The following NR2F2 variants were observed in gnomAD, a reference collection of about 807,000 sequenced individuals.
The protein encoded by NR2F2 is COUP transcription factor 2.
In NR2F2, 2 loss-of-function variants were observed where a neutral mutation model predicts 34.8. The ratio of observed to expected loss-of-function variants is 0.06; its 90% CI spans 0.02 to 0.18. NR2F2 has a LOEUF of 0.18. NR2F2 is among the 10% of genes least tolerant of loss of function. The pLI is 1.00. For missense variants in NR2F2, 300 were observed against 580.1 expected (o/e 0.52, Z 4.96); for synonymous variants, 274 against 251.8 (o/e 1.09, Z -0.84).
chr15:96,332,575 C>T (rs757391827), intron 1 of NR2F2, 28 bp downstream of exon 1: 6 of 1,598,892 alleles, frequency 3.8e-6, no homozygotes, highest in South Asian at 3.3e-5. Context: ...CTCCTTCCCT[C>T]GTCCTGGGTC....
At position 96,334,492 on chromosome 15, in the gene NR2F2, G is replaced by A; in HGVS notation, c.859G>A (p.Ala287Thr). ...ASPMSADRVV[A>T]FMDHIRIFQE... ...GCCCATGTCCGCCGACCGGGTGGTC[G>A]CCTTTATGGACCACATACGGATCTT... The change falls in exon 2 of 3, where the codon GCC becomes ACC. Residue 287 changes from alanine to threonine, a missense_variant. By Grantham distance (58) the Ala-to-Thr change is moderately conservative. Coordinates refer to ENST00000394166, the MANE Select transcript of NR2F2 (RefSeq NM_021005.4). 6.2e-7 allele frequency: 1 copy of A among 1,613,880 alleles called. No homozygotes were observed. Among genetic ancestry groups the A allele is most frequent in the Non-Finnish European group, 8.5e-7 (1 of 1,179,990 alleles).
Position 96,331,287 on chromosome 15 carries a change from C to T in NR2F2, c.-819C>T. 3 of 1,045,058 alleles carry T rather than the reference C, an allele frequency of 2.9e-6. No individual in the cohort carries two copies. The highest frequency in any genetic ancestry group is 4.4e-5 in the South Asian group (1 of 22,654). The allele number at this position is 1,045,058 out of a possible 1,614,324, so 64.7% of individuals were successfully genotyped here. A position where few individuals can be genotyped will look rare whatever the true frequency, so the allele number is the denominator to read the frequency against. ...CGCGCCGGACGCCCGGGGCAGGCGG[C>T]GGCGGCGGCGGCCCAGCGCCAGGAC... On this transcript the variant is annotated 5_prime_UTR_variant, in exon 1 of 3. Transcript: ENST00000394166.
At chr15:96,334,739 A>G (rs549942955) in intron 2 of NR2F2, 136 bp downstream of exon 2, 141 of 918,380 alleles carry the variant, frequency 1.5e-4, no homozygotes, top group African/African-American at 1.4e-3. Context: ...TAAAGTGGGA[A>G]CTTTTTATAG....
chr15:96,328,704 TG>T (rs1439764858), upstream of NR2F2, among the ~76,000 whole-genome samples: 7 of 152,106 alleles, frequency 4.6e-5, no homozygotes, highest in African/African-American at 1.7e-4. Context: ...CTTCATTCTG[TG>T]GCAATCTTAT....
Position 96,332,297 on chromosome 15 carries a change from CGGCCCGGGT to C in NR2F2, c.193_201del (p.Gly65_Gly67del). 3 of 1,571,190 alleles carry C rather than the reference CGGCCCGGGT, an allele frequency of 1.9e-6. No individual in the cohort carries two copies. The highest frequency in any genetic ancestry group is 1.4e-5 in the African/African-American group (1 of 73,874). ...CGGCCGGTGGCCAGGGCGGCCCTGG[CGGCCCGGGT>C]AGCGACAAGCAGCAGCAGCAGCAAC... On this transcript the variant is annotated inframe_deletion, in exon 1 of 3. Transcript: ENST00000394166.
chr15:96,331,846 G>A lies in NR2F2; in HGVS notation c.-260G>A, dbSNP rs1899154531. 2 of 1,202,994 alleles carry A rather than the reference G, an allele frequency of 1.7e-6. No individual in the cohort carries two copies. The highest frequency in any genetic ancestry group is 8.6e-5 in the South Asian group (2 of 23,274). The allele number at this position is 1,202,994 out of a possible 1,614,324, so 74.5% of individuals were successfully genotyped here. ...AGCCCCCCGAAACCAACAAAGCTGA[G>A]CCGAGAGAAACAAACAAAACAAACA... is the stretch of plus-strand genomic sequence containing the variant. On this transcript the variant is annotated 5_prime_UTR_variant, in exon 1 of 3. Coordinates refer to ENST00000394166, the MANE Select transcript of NR2F2 (RefSeq NM_021005.4).
chr15:96,330,426 G>A (rs1276732529), upstream of NR2F2, among the ~76,000 whole-genome samples: 2 of 146,958 alleles, frequency 1.4e-5, no homozygotes, highest in Non-Finnish European at 3.0e-5. Context: ...CGGCGGCGCG[G>A]CCACCCCGTC....
chr15:96,339,384 A>T lies in NR2F2; in HGVS notation c.*1762A>T, dbSNP rs957166136. 1 of 152,124 alleles carries T rather than the reference A, an allele frequency of 6.6e-6. No individual in the cohort carries two copies. Among genetic ancestry groups the T allele is most frequent in the African/African-American group, 2.4e-5 (1 of 41,392 alleles). 9.4% of individuals were successfully genotyped at this position (152,124 alleles called of 1,614,324 possible). ...TGTTGAGAGAGTTTCAAATTCAGTG[A>T]TACAGGTTCTAAGACTGAAAGGTCT... On this transcript the variant is annotated 3_prime_UTR_variant, in exon 3 of 3. Coordinates refer to ENST00000394166, the MANE Select transcript of NR2F2 (RefSeq NM_021005.4).
At chr15:96,329,130 G>GT (rs1372730692), upstream of NR2F2, among the ~76,000 whole-genome samples, 1 of 151,718 alleles carries the variant, frequency 6.6e-6, no homozygotes, top group Non-Finnish European at 1.5e-5. Flanking sequence ...CGTCTTTTGT[G>GT]TAAAATATTT....
intron 1 of NR2F2, among the ~76,000 whole-genome samples, chr15:96,332,811 T>C (rs1165558944): frequency 1.3e-5 from 2 of 152,098 alleles, no homozygotes; most frequent in African/African-American, 4.8e-5. Context: ...GGAGTCTGCC[T>C]TTCTGCAAGG....
At chr15:96,326,426 G>A, upstream of NR2F2, 1 of 1,280,876 alleles carries the variant, frequency 7.8e-7, no homozygotes, top group Non-Finnish European at 1.1e-6. The surrounding 1 kb of genome is among the most constrained non-coding windows in gnomAD (Gnocchi z 5.5). Flanking sequence ...GTGGGGTTGG[G>A]GATGACTTGG....
intron 2 of NR2F2, among the ~76,000 whole-genome samples, chr15:96,336,100 C>T (rs986654530): frequency 3.9e-5 from 6 of 152,072 alleles, no homozygotes; most frequent in East Asian, 3.8e-4. Flanking sequence ...TGGAGGTAGT[C>T]GTTAATTTCT....
At position 96,332,313 on chromosome 15, in the gene NR2F2, A is replaced by AAGC. The variant is rs780808943; in HGVS notation, c.222_224dup (p.Gln75dup). 1.6e-5 allele frequency: 26 copies of AAGC among 1,589,086 alleles called. No homozygotes were observed. The Middle Eastern group carries it at 5.0e-4, about 30-fold the overall frequency. On this transcript the variant is annotated inframe_insertion, in exon 1 of 3. Coordinates refer to ENST00000394166, the MANE Select transcript of NR2F2 (RefSeq NM_021005.4). ...CGGCCCTGGCGGCCCGGGTAGCGAC[A>AAGC]AGCAGCAGCAGCAGCAACACATCGA...
upstream of NR2F2, among the ~76,000 whole-genome samples, chr15:96,329,817 T>C (rs1169884605): frequency 3.9e-5 from 6 of 152,012 alleles, no homozygotes; most frequent in African/African-American, 9.7e-5. Flanking sequence ...TGAGGAAAAT[T>C]GATTCTAATT....
chr15:96,329,650 G>A (rs753089450), upstream of NR2F2, among the ~76,000 whole-genome samples: 1 of 152,114 alleles, frequency 6.6e-6, no homozygotes, highest in Non-Finnish European at 1.5e-5. Context: ...ATACATGTGC[G>A]CTTACATGTG....
At chr15:96,327,165 A>C (rs1365849586), upstream of NR2F2, 3 of 149,810 alleles carry the variant, frequency 2.0e-5, no homozygotes, top group Non-Finnish European at 4.4e-5. Context: ...AGGGGGACGC[A>C]CATAAACCCA....
At chr15:96,330,467 GCCC>G (rs1899100496), upstream of NR2F2, among the ~76,000 whole-genome samples, 1 of 131,972 alleles carries the variant, frequency 7.6e-6, no homozygotes, top group Admixed American at 7.5e-5. Flanking sequence ...TCCCCCGCGT[GCCC>G]CGCGCCGCGC....
intron 1 of NR2F2, 175 bp downstream of exon 1, chr15:96,332,722 A>G (rs1256671467): frequency 4.4e-6 from 6 of 1,369,044 alleles, no homozygotes; most frequent in Non-Finnish European, 4.8e-6. Flanking sequence ...CCAAATCCGC[A>G]TGCTTTGGCC....
intron 1 of NR2F2, chr15:96,333,400 G>T: frequency 1.0e-6 from 1 of 1,002,124 alleles, no homozygotes; most frequent in Non-Finnish European, 1.2e-6. Context: ...GCCCTTACAG[G>T]CCCTGCCCAG....
Sources: gnomAD v4.1 joint callset for allele counts (sites outside exome capture counted in the v4.1 genomes callset) on GRCh38, gnomAD v4.1.1 for gene constraint, Gnocchi (gnomAD v3.1) non-coding constraint, MANE v1.5 for transcripts, NCBI Gene and HGNC (gene_info 2026-07-23, HGNC 2026-07-21) for gene names.